The following ISLR2 variants were observed in gnomAD, a reference collection of about 807,000 sequenced individuals.
ISLR2 encodes the protein immunoglobulin superfamily containing leucine-rich repeat protein 2.
In ISLR2, 16 loss-of-function variants were observed where a neutral mutation model predicts 25.5. The ratio of observed to expected loss-of-function variants is 0.63; its 90% CI spans 0.43 to 0.95. ISLR2 has a LOEUF of 0.95. Ranked by LOEUF, ISLR2 falls within the 40% of genes least tolerant of loss-of-function variation. The pLI is 0.00. For synonymous variants in ISLR2, 508 were observed against 486.6 expected (o/e 1.04, Z -0.58); for missense variants, 883 against 1,030.7 (o/e 0.86, Z 1.96).
Position 74,134,402 on chromosome 15 carries a change from G to A in ISLR2, c.1648G>A (p.Val550Ile), listed in dbSNP as rs2072516928. 3 of 1,610,984 alleles carry A rather than the reference G, an allele frequency of 1.9e-6. No homozygotes were observed. The highest frequency in any genetic ancestry group is 4.5e-5 in the East Asian group (2 of 44,806). The change falls in exon 3 of 3, where the codon GTC becomes ATC. Residue 550 changes from valine to isoleucine, a missense_variant. By Grantham distance (29) the Val-to-Ile change is conservative (BLOSUM62 3). Around this residue, in one of 2 missense-constraint regions of ISLR2, gnomAD observed 612 missense variants for 642.8 expected, o/e 0.95. Coordinates refer to ENST00000453268, the MANE Select transcript of ISLR2 (RefSeq NM_020851.3). ...AVQWSRVEEG[V>I]NAYWFRGLRP... ...GCAGTGGTCCCGCGTAGAGGAAGGCGTCAACGCCTACTGGTTCCGCGGCCT... is the reference window on the plus strand; with the variant it reads ...GCAGTGGTCCCGCGTAGAGGAAGGCATCAACGCCTACTGGTTCCGCGGCCT...
downstream of ISLR2, among the ~76,000 whole-genome samples, chr15:74,140,106 C>A (rs2072603817): frequency 6.6e-6 from 1 of 152,002 alleles, no homozygotes; most frequent in African/African-American, 2.4e-5. Flanking sequence ...TAAATGTTTC[C>A]TAAAGATCAG....
In ISLR2 at chr15:74,133,549, C is replaced by A. The variant is rs2072481149; in HGVS notation, c.795C>A (p.His265Gln). The change falls in exon 3 of 3, where the codon CAC (histidine) becomes CAA (glutamine). Residue 265 changes from histidine to glutamine, a missense_variant. By Grantham distance (24) the His-to-Gln change is conservative. Coordinates refer to ENST00000453268, the MANE Select transcript of ISLR2 (RefSeq NM_020851.3). Reference protein sequence around the residue: ...AFVLHCIADGHPTPRLQWQLQ... With the variant: ...AFVLHCIADGQPTPRLQWQLQ... The stretch of plus-strand genomic sequence containing the variant: ...TGTTACACTGCATCGCCGACGGCCA[C>A]CCTACGCCTCGCCTGCAATGGCAAC... 5.0e-6 allele frequency: 8 copies of A among 1,614,120 alleles called. No homozygotes were observed. In the East Asian group the frequency reaches 1.8e-4, roughly 36 times the overall value.
At chr15:74,107,475 G>A (rs2072130228) in intron 2 of ISLR2, among the ~76,000 whole-genome samples, 1 of 152,108 alleles carries the variant, frequency 6.6e-6, no homozygotes, top group Non-Finnish European at 1.5e-5. Flanking sequence ...GGAAATAGAG[G>A]ATGTCCCCCA....
intron 2 of ISLR2, among the ~76,000 whole-genome samples, chr15:74,108,069 C>A (rs1233987602): frequency 1.3e-5 from 2 of 152,172 alleles, no homozygotes; most frequent in Non-Finnish European, 2.9e-5. Context: ...ACAGCCCTGG[C>A]CCAGTCCAGG....
chr15:74,128,258 C>T, upstream of ISLR2: 1 of 338,612 alleles, frequency 3.0e-6, no homozygotes, highest in Non-Finnish European at 5.6e-6. Flanking sequence ...GCGACTCGGG[C>T]TCCAGCCCTG....
At chr15:74,104,012 A>C in intron 2 of ISLR2, 1 of 152,174 alleles carries the variant, frequency 6.6e-6, no homozygotes, top group Non-Finnish European at 1.5e-5. Context: ...TCTTCATAGC[A>C]GCATGAGAAT....
rs1312562036 is a variant in ISLR2 at position 74,112,471 on chromosome 15, G to A, written n.228+8557G>A. On this transcript the variant is annotated intron_variant and non_coding_transcript_variant, in intron 2 of 3. Coordinates refer to the ISLR2 transcript ENST00000561975. Reference sequence around the variant, plus strand: ...TCTCTAAATTCTTTAACGTATGTATGTAGTTACTTTAAAGCTCTTGCCTGC... The same window carrying A: ...TCTCTAAATTCTTTAACGTATGTATATAGTTACTTTAAAGCTCTTGCCTGC... Among the ~76,000 whole-genome samples, 3 of 151,068 alleles carry A rather than the reference G, an allele frequency of 2.0e-5. No homozygotes were observed. In the East Asian group the frequency reaches 5.8e-4, roughly 29 times the overall value.
chr15:74,104,197 G>A (rs1170507020), intron 2 of ISLR2, among the ~76,000 whole-genome samples: 4 of 152,182 alleles, frequency 2.6e-5, no homozygotes, highest in African/African-American at 4.8e-5. Context: ...TGATTTTGCC[G>A]CCCTGGGGAT....
chr15:74,123,826 G>T (rs1567157150), upstream of ISLR2, among the ~76,000 whole-genome samples: 1 of 152,132 alleles, frequency 6.6e-6, no homozygotes, highest in East Asian at 1.9e-4. Context: ...GCATTTCCAA[G>T]AACAGATTTT....
intron 1 of ISLR2, among the ~76,000 whole-genome samples, chr15:74,100,679 A>G (rs2072077911): frequency 7.9e-6 from 1 of 126,014 alleles, no homozygotes; most frequent in Admixed American, 8.8e-5. Context: ...AAGCTTAATA[A>G]GTTTTCATCA....
intron 2 of ISLR2, among the ~76,000 whole-genome samples, chr15:74,117,386 A>T (rs1595938993): frequency 6.6e-6 from 1 of 152,114 alleles, no homozygotes; most frequent in Non-Finnish European, 1.5e-5. Context: ...TTGTTTCCTG[A>T]ATACACAAAT....
intron 2 of ISLR2, among the ~76,000 whole-genome samples, chr15:74,113,036 G>C (rs1189751253): frequency 6.6e-6 from 1 of 152,190 alleles, no homozygotes; most frequent in Non-Finnish European, 1.5e-5. Context: ...GGGGTCAGGG[G>C]TGGTGGTTAT....
rs1302339998 is a variant in ISLR2, at chr15:74,135,996, T to C, written c.*1004T>C. ...CGCGCTCAGATTTTCCTGTTTTCGT[T>C]GTTTTCAAAGACAGCGACATTTCGG... On this transcript the variant is annotated 3_prime_UTR_variant, in exon 3 of 3. Transcript: ENST00000453268. 1.8e-5 allele frequency: 3 copies of C among 167,106 alleles called. No homozygotes were observed. The highest frequency in any genetic ancestry group is 4.4e-5 in the Non-Finnish European group (3 of 68,158). 10.4% of individuals were successfully genotyped at this position (167,106 alleles called of 1,614,324 possible).
rs775842211 is a variant in ISLR2 at position 74,132,887 on chromosome 15, G to A, written c.133G>A (p.Val45Met). ...ADCAYKELRE[V>M]PEGLPANVTT... ...CTGCGCTTACAAAGAGTTGCGTGAG[G>A]TGCCGGAAGGACTGCCTGCCAACGT... The change falls in exon 3 of 3, where the codon GTG becomes ATG. Residue 45 changes from valine (V) to methionine (M), a missense_variant. Val to Met is a conservative substitution (Grantham distance 21). Transcript: ENST00000453268. The surrounding 1 kb of genome is among the most constrained non-coding windows in gnomAD (Gnocchi z 4.3). 1.2e-6 allele frequency: 2 copies of A among 1,614,114 alleles called. No homozygotes were observed. The highest frequency in any genetic ancestry group is 3.3e-5 in the Admixed American group (2 of 60,030).
At chr15:74,106,802 T>C (rs1285733496) in intron 2 of ISLR2, among the ~76,000 whole-genome samples, 1 of 152,070 alleles carries the variant, frequency 6.6e-6, no homozygotes, top group Non-Finnish European at 1.5e-5. Context: ...GGGAAACACA[T>C]GTCTGCTGCA....
At chr15:74,128,550 G>A (rs1300214132), upstream of ISLR2, 1 of 456,518 alleles carries the variant, frequency 2.2e-6, no homozygotes, top group Non-Finnish European at 4.4e-6. Flanking sequence ...CTTATAGGAC[G>A]GGTTCCTGCA....
chr15:74,114,853 G>C (rs1359575197), intron 2 of ISLR2, among the ~76,000 whole-genome samples: 1 of 152,172 alleles, frequency 6.6e-6, no homozygotes, highest in African/African-American at 2.4e-5. Context: ...CTCCAATGCA[G>C]GGAGGGAAAT....
chr15:74,104,480 G>A (rs188781330), intron 2 of ISLR2, among the ~76,000 whole-genome samples: 307 of 152,368 alleles, frequency 2.0e-3, no homozygotes, highest in Non-Finnish European at 3.6e-3. Flanking sequence ...AGGAGCACCT[G>A]AAGAACAGTT....
At chr15:74,113,589 T>C (rs544789675) in intron 2 of ISLR2, among the ~76,000 whole-genome samples, 1 of 152,344 alleles carries the variant, frequency 6.6e-6, no homozygotes, top group African/African-American at 2.4e-5. Flanking sequence ...TACTCTAGTG[T>C]TGAGTTTTAT....
Sources: gnomAD v4.1 joint callset for allele counts (sites outside exome capture counted in the v4.1 genomes callset) on GRCh38, gnomAD v4.1.1 for gene constraint, gnomAD v4.1.1 regional missense constraint, Gnocchi (gnomAD v3.1) non-coding constraint, MANE v1.5 for transcripts, NCBI Gene and HGNC (gene_info 2026-07-23, HGNC 2026-07-21) for gene names.